Variants in ARB2A observed in about 807,000 individuals in gnomAD.
The protein encoded by ARB2A is ARB2 cotranscriptional regulator A.
the ARB2A span, among the ~76,000 whole-genome samples, chr5:93,908,393 G>C: frequency 6.6e-6 from 1 of 150,720 alleles, no homozygotes; most frequent in East Asian, 1.9e-4. Flanking sequence ...ACTTATATTT[G>C]ATAACTTAAA....
the ARB2A span, among the ~76,000 whole-genome samples, chr5:93,623,240 C>T: frequency 1.3e-5 from 2 of 149,458 alleles, no homozygotes; most frequent in Non-Finnish European, 3.0e-5. Flanking sequence ...ACACCCACCC[C>T]CAAATACAAT....
chr5:94,055,780 G>T, the ARB2A span: 2 of 985,390 alleles, frequency 2.0e-6, no homozygotes, highest in Non-Finnish European at 2.4e-6. Context: ...GACAAAATCA[G>T]ATTCCTTGAC....
chr5:93,809,853 G>A, the ARB2A span, among the ~76,000 whole-genome samples: 3 of 151,938 alleles, frequency 2.0e-5, no homozygotes, highest in Admixed American at 6.6e-5. Context: ...ATGGTTTCAC[G>A]TCTTGTTAAA....
the ARB2A span, among the ~76,000 whole-genome samples, chr5:93,847,519 A>G: frequency 6.6e-6 from 1 of 152,094 alleles, no homozygotes; most frequent in African/African-American, 2.4e-5. Flanking sequence ...AAAAATAATT[A>G]TATTTATTTT....
chr5:93,735,435 T>C, the ARB2A span: 2 of 152,248 alleles, frequency 1.3e-5, no homozygotes, highest in African/African-American at 4.8e-5. Context: ...TTCCCTGAGA[T>C]TGAGAGCTCA....
At chr5:93,866,494 A>T in the ARB2A span, among the ~76,000 whole-genome samples, 11 of 152,184 alleles carry the variant, frequency 7.2e-5, no homozygotes, top group African/African-American at 2.7e-4. Context: ...AAAGGCCAGA[A>T]GAGAGGCCAC....
At chr5:93,685,616 G>C in the ARB2A span, among the ~76,000 whole-genome samples, 112 of 152,268 alleles carry the variant, frequency 7.4e-4, no homozygotes, top group African/African-American at 2.4e-3. Flanking sequence ...TTAGCTGTTA[G>C]TTTGTTCACT....
At chr5:93,732,944 A>G in the ARB2A span, among the ~76,000 whole-genome samples, 1 of 151,918 alleles carries the variant, frequency 6.6e-6, no homozygotes, top group Non-Finnish European at 1.5e-5. Flanking sequence ...TTCTCTATGT[A>G]ATATATCTTC....
the ARB2A span, among the ~76,000 whole-genome samples, chr5:94,024,617 G>A: frequency 1.3e-5 from 2 of 151,772 alleles, no homozygotes; most frequent in Admixed American, 1.3e-4. Flanking sequence ...TAAACACTAA[G>A]GGAAATAATG....
the ARB2A span, among the ~76,000 whole-genome samples, chr5:93,759,591 C>A: frequency 1.3e-5 from 2 of 152,128 alleles, no homozygotes; most frequent in African/African-American, 4.8e-5. Flanking sequence ...GATGGTTTAA[C>A]ATATGCAAGT....
the ARB2A span, among the ~76,000 whole-genome samples, chr5:93,903,161 A>G: frequency 4.6e-5 from 7 of 152,228 alleles, no homozygotes; most frequent in African/African-American, 1.7e-4. Flanking sequence ...TTCTTTATAC[A>G]CCAGCAAACG....
chr5:93,641,169 C>T, the ARB2A span, among the ~76,000 whole-genome samples: 1 of 149,396 alleles, frequency 6.7e-6, no homozygotes, highest in Admixed American at 6.7e-5. Context: ...CACTGCACTC[C>T]AGCCTGGGTG....
chr5:93,831,044 T>C, the ARB2A span, among the ~76,000 whole-genome samples: 2 of 152,032 alleles, frequency 1.3e-5, no homozygotes, highest in Non-Finnish European at 2.9e-5. Context: ...TTTATAAGAA[T>C]CTAATACTGC....
At chr5:94,074,783 A>G in the ARB2A span, 2 of 1,551,364 alleles carry the variant, frequency 1.3e-6, no homozygotes, top group Non-Finnish European at 1.8e-6. Flanking sequence ...GAATGAATGA[A>G]AGCAATAAAT....
the ARB2A span, among the ~76,000 whole-genome samples, chr5:93,999,851 G>A: frequency 6.6e-6 from 1 of 151,908 alleles, no homozygotes; most frequent in Non-Finnish European, 1.5e-5. Context: ...TCCAACCCCT[G>A]ATTTTACTCT....
chr5:93,768,793 AG>A, the ARB2A span, among the ~76,000 whole-genome samples: 3 of 152,040 alleles, frequency 2.0e-5, no homozygotes, highest in East Asian at 5.8e-4. Flanking sequence ...TATGTCATCC[AG>A]GCTGGTCTCA....
At chr5:93,712,187 C>A in the ARB2A span, among the ~76,000 whole-genome samples, 1 of 152,012 alleles carries the variant, frequency 6.6e-6, no homozygotes, top group African/African-American at 2.4e-5. Context: ...GACCATTAGG[C>A]TATGTAGGCA....
At chr5:93,919,892 A>ATTT in the ARB2A span, among the ~76,000 whole-genome samples, 1 of 152,196 alleles carries the variant, frequency 6.6e-6, no homozygotes, top group Non-Finnish European at 1.5e-5. Context: ...CAAAGGTACA[A>ATTT]GGCTTGTATT....
the ARB2A span, among the ~76,000 whole-genome samples, chr5:93,873,752 C>A: frequency 6.6e-6 from 1 of 152,288 alleles, no homozygotes; most frequent in Non-Finnish European, 1.5e-5. Context: ...CCTCTCCTGG[C>A]CTCATATGGA....
Sources: gnomAD v4.1 joint callset for allele counts (sites outside exome capture counted in the v4.1 genomes callset) on GRCh38, gnomAD v4.1.1 for gene constraint, MANE v1.5 for transcripts, NCBI Gene and HGNC (gene_info 2026-07-23, HGNC 2026-07-21) for gene names.